The following ATP10A variants were observed in gnomAD, a reference collection of about 807,000 sequenced individuals.
ATP10A encodes the protein phospholipid-transporting ATPase VA.
ATP10A carries 111 observed loss-of-function variants against 147.8 expected under a neutral mutation model. That is an observed-to-expected ratio of 0.75 (90% CI 0.64 to 0.88). ATP10A has a LOEUF of 0.88. ATP10A is among the 40% of genes least tolerant of loss of function. The probability of loss-of-function intolerance (pLI) is 0.00; values close to 1 mark genes in which losing one functional copy is unlikely to be tolerated. For synonymous variants in ATP10A, 875 were observed against 841.6 expected (o/e 1.04, Z -0.69); for missense variants, 1,927 against 1,959.0 (o/e 0.98, Z 0.31).
Position 25,725,940 on chromosome 15 carries a change from A to G in ATP10A, c.979+11T>C. On this transcript the variant is annotated intron_variant, in intron 5 of 20. Transcript: ENST00000555815. ...GCCCCCACTCATTTCCGATCCATCT[A>G]GGAGACTTACCGACTGCTGAAAACA... The G allele has an allele frequency of 1.2e-6, 2 of 1,611,608 alleles. No homozygotes were observed. Among genetic ancestry groups the G allele is most frequent in the African/African-American group, 2.7e-5 (2 of 75,022 alleles).
Position 25,679,818 on chromosome 15 carries a change from C to T in ATP10A, c.4023G>A (p.Gly1341=), listed in dbSNP as rs1257125200. 6.2e-7 allele frequency: 1 copy of T among 1,612,278 alleles called. No homozygotes were observed. Among genetic ancestry groups the T allele is most frequent in the Non-Finnish European group, 8.5e-7 (1 of 1,179,946 alleles). The change falls in exon 21 of 21, where the codon GGG becomes GGA. Residue 1341 remains glycine, a synonymous_variant. Coordinates refer to ENST00000555815, the MANE Select transcript of ATP10A (RefSeq NM_024490.4). ...PKDSGTEHSS[G]RTVKTSVPLS... is the part of the protein sequence containing the mutation. The stretch of plus-strand genomic sequence containing the variant: ...GGGGCACAGAGGTCTTGACTGTCCT[C>T]CCTGATGAGTGCTCGGTTCCCGAGT...
intron 6 of ATP10A, among the ~76,000 whole-genome samples, chr15:25,722,511 G>A (rs1336672540): frequency 6.6e-6 from 1 of 152,170 alleles, no homozygotes; most frequent in Non-Finnish European, 1.5e-5. Context: ...CGATATTAAT[G>A]TTTGCTTACT....
chr15:25,702,345 C>A (rs765494033), intron 12 of ATP10A, among the ~76,000 whole-genome samples: 2 of 152,172 alleles, frequency 1.3e-5, no homozygotes, highest in South Asian at 2.1e-4. Flanking sequence ...CAGTCGAGTG[C>A]GTAGGAATAA....
chr15:25,677,347 TACA>T (rs2140263867), downstream of ATP10A: 1 of 152,312 alleles, frequency 6.6e-6, no homozygotes, highest in South Asian at 2.1e-4. Context: ...CAATGCCATT[TACA>T]ACATGTATTT....
At chr15:25,767,046 C>T (rs765250632) in intron 2 of ATP10A, among the ~76,000 whole-genome samples, 3 of 152,136 alleles carry the variant, frequency 2.0e-5, no homozygotes, top group African/African-American at 4.8e-5. Flanking sequence ...TGCTCCGCTA[C>T]GTAGCACATT....
chr15:25,765,365 T>C (rs8037072), intron 2 of ATP10A, among the ~76,000 whole-genome samples: 149,370 of 152,302 alleles, frequency 0.98, 73,309 homozygotes, highest in Non-Finnish European at 1. Context: ...CCTGCTCCTG[T>C]CTTTGATATC....
intron 1 of ATP10A, among the ~76,000 whole-genome samples, chr15:25,818,833 GA>G (rs1891769275): frequency 6.6e-6 from 1 of 152,116 alleles, no homozygotes; most frequent in Admixed American, 6.5e-5. Context: ...GTAACACCAG[GA>G]AAAAGGACAC....
chr15:25,716,165 G>A (rs1406780755), intron 9 of ATP10A, among the ~76,000 whole-genome samples: 1 of 152,196 alleles, frequency 6.6e-6, no homozygotes, highest in African/African-American at 2.4e-5. Flanking sequence ...ATGGCCCCAC[G>A]GCCCAGGCGG....
chr15:25,836,392 C>T (rs1370941555), intron 1 of ATP10A, among the ~76,000 whole-genome samples: 1 of 152,126 alleles, frequency 6.6e-6, no homozygotes, highest in African/African-American at 2.4e-5. Flanking sequence ...TTGTCTGAAC[C>T]AACCATCCTA....
At chr15:25,723,778 AT>A (rs892427084) in intron 6 of ATP10A, 112 bp downstream of exon 6, 19 of 931,570 alleles carry the variant, frequency 2.0e-5, no homozygotes, top group Non-Finnish European at 2.4e-5. Flanking sequence ...AGGTAGATAT[AT>A]TTGCCATCTT....
downstream of ATP10A, among the ~76,000 whole-genome samples, chr15:25,674,695 A>C (rs1446454348): frequency 6.6e-6 from 1 of 152,178 alleles, no homozygotes; most frequent in Non-Finnish European, 1.5e-5. Flanking sequence ...TTTAACTTTG[A>C]GATGCAAAGT....
chr15:25,837,244 C>G (rs553435320), intron 1 of ATP10A, among the ~76,000 whole-genome samples: 1 of 152,256 alleles, frequency 6.6e-6, no homozygotes, highest in Non-Finnish European at 1.5e-5. Flanking sequence ...CAGCATTATT[C>G]AAAAGAACCA....
intron 1 of ATP10A, among the ~76,000 whole-genome samples, chr15:25,818,339 GA>G (rs1891752124): frequency 3.9e-5 from 6 of 151,920 alleles, no homozygotes; most frequent in Admixed American, 2.0e-4. Flanking sequence ...TTTTTAATAC[GA>G]AAAATATATT....
At position 25,681,057 on chromosome 15, in the gene ATP10A, C is replaced by T. The variant is rs2076741; in HGVS notation, c.3510G>A (p.Thr1170=). The T allele has an allele frequency of 5.4e-5, 87 of 1,613,570 alleles. No individual in the cohort carries two copies. In the Middle Eastern group the frequency reaches 1.3e-3, roughly 24 times the overall value. ...GQNMEEYRPR[T]FWFNMADAAF... ...CGGCGTCGGCCATGTTAAACCAGAA[C>T]GTTCGTGGCCGGTATTCCTGGGACA... Residue 1170 remains threonine, a synonymous_variant, in exon 18 of 21, where the codon ACG becomes ACA. Coordinates refer to ENST00000555815, the MANE Select transcript of ATP10A (RefSeq NM_024490.4).
At chr15:25,760,501 G>A (rs1345375267) in intron 2 of ATP10A, among the ~76,000 whole-genome samples, 1 of 152,142 alleles carries the variant, frequency 6.6e-6, no homozygotes, top group Non-Finnish European at 1.5e-5. Context: ...AAAGTTACTT[G>A]CAAGCACTTA....
intron 1 of ATP10A, among the ~76,000 whole-genome samples, chr15:25,810,491 A>T (rs530410707): frequency 1.8e-4 from 28 of 152,350 alleles, no homozygotes; most frequent in African/African-American, 6.7e-4. Flanking sequence ...TTCCAAGTGT[A>T]GCAGTGCCAC....
intron 1 of ATP10A, among the ~76,000 whole-genome samples, chr15:25,789,040 C>T (rs1890294488): frequency 6.6e-6 from 1 of 152,184 alleles, no homozygotes; most frequent in Non-Finnish European, 1.5e-5. Context: ...TCACTGCAGC[C>T]TCCAACTCCC....
intron 12 of ATP10A, among the ~76,000 whole-genome samples, chr15:25,705,511 A>C (rs1900941132): frequency 6.6e-6 from 1 of 151,658 alleles, no homozygotes; most frequent in Non-Finnish European, 1.5e-5. Flanking sequence ...TGGAATAGTA[A>C]AAATATAAGT....
chr15:25,832,500 A>G (rs960876054), intron 1 of ATP10A, among the ~76,000 whole-genome samples: 13 of 152,052 alleles, frequency 8.5e-5, no homozygotes, highest in Non-Finnish European at 1.8e-4. Context: ...CTTTATATTT[A>G]AGGTTGTCAA....
Sources: gnomAD v4.1 joint callset for allele counts (sites outside exome capture counted in the v4.1 genomes callset) on GRCh38, gnomAD v4.1.1 for gene constraint, MANE v1.5 for transcripts, NCBI Gene and HGNC (gene_info 2026-07-23, HGNC 2026-07-21) for gene names.